Variants in KPNA3 observed in about 807,000 individuals in gnomAD.
The protein encoded by KPNA3 is importin subunit alpha-4.
Under a neutral mutation model 73.8 loss-of-function variants are expected in KPNA3, and 13 were observed. The ratio of observed to expected loss-of-function variants is 0.18; its 90% CI spans 0.11 to 0.28. The LOEUF (loss-of-function observed/expected upper bound fraction) is 0.28, where lower values mean the gene tolerates loss of function less well. KPNA3 is among the 10% of genes least tolerant of loss of function. The pLI is 1.00. For missense variants in KPNA3, 360 were observed against 618.1 expected, an observed-to-expected ratio of 0.58 and a Z score of 4.43; for synonymous variants, 186 against 206.9, an observed-to-expected ratio of 0.90 and a Z score of 0.87.
chr13:49,787,377 G>A (rs1297168897), intron 1 of KPNA3, among the ~76,000 whole-genome samples: 1 of 152,202 alleles, frequency 6.6e-6, no homozygotes, highest in East Asian at 1.9e-4. Flanking sequence ...CAATTTCTGT[G>A]ATATAGTCGA....
intron 1 of KPNA3, among the ~76,000 whole-genome samples, chr13:49,774,208 G>C (rs1453303685): frequency 1.3e-5 from 2 of 151,938 alleles, no homozygotes; most frequent in Non-Finnish European, 2.9e-5. Context: ...CCAGGTCTTA[G>C]TTCTTTTTCT....
chr13:49,784,928 A>T (rs1226461130), intron 1 of KPNA3, among the ~76,000 whole-genome samples: 4 of 152,200 alleles, frequency 2.6e-5, no homozygotes, highest in African/African-American at 9.7e-5. Context: ...GCAACGAGAA[A>T]GATACACTCA....
At chr13:49,738,779 C>T (rs916572977) in intron 2 of KPNA3, among the ~76,000 whole-genome samples, 8 of 152,184 alleles carry the variant, frequency 5.3e-5, no homozygotes, top group African/African-American at 9.7e-5. Flanking sequence ...TCTGCAAATA[C>T]GGACAGTTTT....
intron 1 of KPNA3, among the ~76,000 whole-genome samples, chr13:49,779,513 T>C (rs1239806778): frequency 2.0e-5 from 3 of 152,166 alleles, no homozygotes; most frequent in Non-Finnish European, 4.4e-5. Flanking sequence ...TATTTCTTAT[T>C]CCCTTCCCCA....
intron 6 of KPNA3, among the ~76,000 whole-genome samples, chr13:49,729,819 T>C (rs749058267): frequency 6.6e-6 from 1 of 152,126 alleles, no homozygotes; most frequent in Non-Finnish European, 1.5e-5. Flanking sequence ...AAATGGACAT[T>C]TATCATAAGT....
intron 16 of KPNA3, 100 bp downstream of exon 16, chr13:49,702,285 CT>C: frequency 1.5e-6 from 1 of 684,158 alleles, no homozygotes; most frequent in South Asian, 1.7e-5. Flanking sequence ...ACAGTACAAA[CT>C]TATGTCATCC....
At chr13:49,777,749 A>G (rs1274035933) in intron 1 of KPNA3, among the ~76,000 whole-genome samples, 1 of 151,286 alleles carries the variant, frequency 6.6e-6, no homozygotes, top group African/African-American at 2.4e-5. Context: ...GGCTTCAAGC[A>G]GTCCTCCCAC....
chr13:49,733,906 G>C (rs1954495302), intron 2 of KPNA3, among the ~76,000 whole-genome samples: 1 of 152,196 alleles, frequency 6.6e-6, no homozygotes, highest in South Asian at 2.1e-4. Flanking sequence ...CAGCTGACCA[G>C]AGACAGTAAG....
At chr13:49,750,713 C>T (rs1041867448) in intron 1 of KPNA3, among the ~76,000 whole-genome samples, 13 of 152,016 alleles carry the variant, frequency 8.6e-5, no homozygotes, top group Admixed American at 1.3e-4. Flanking sequence ...TTAAGCTGGC[C>T]GGGCACAGTG....
At chr13:49,725,082 C>T (rs1488066717) in intron 7 of KPNA3, among the ~76,000 whole-genome samples, 1 of 152,078 alleles carries the variant, frequency 6.6e-6, no homozygotes, top group Non-Finnish European at 1.5e-5. Flanking sequence ...ATTATTAGCC[C>T]ATCTTGAGGA....
chr13:49,750,737 A>T (rs1954655422), intron 1 of KPNA3, among the ~76,000 whole-genome samples: 2 of 152,226 alleles, frequency 1.3e-5, no homozygotes, highest in African/African-American at 4.8e-5. Flanking sequence ...CATGCCTGTA[A>T]TCCCAGAACT....
intron 11 of KPNA3, 97 bp downstream of exon 11, chr13:49,710,793 AT>A (rs1954253101): frequency 9.5e-7 from 1 of 1,049,148 alleles, no homozygotes; most frequent in Non-Finnish European, 1.4e-6. Context: ...AATGTGGAAG[AT>A]AAGCACTTAC....
Position 49,732,784 on chromosome 13 carries a change from AG to A in KPNA3, c.205-9del. ...TTCTAGGGTTACATTTTGCTTAAAAAGAAAAAAAAAATAGTTCAGCAGAGTT... is the reference window on the plus strand; with the variant it reads ...TTCTAGGGTTACATTTTGCTTAAAAAAAAAAAAAAATAGTTCAGCAGAGTT... On this transcript the variant is annotated splice_polypyrimidine_tract_variant and intron_variant, in intron 3 of 16. Coordinates refer to ENST00000261667, the MANE Select transcript of KPNA3 (RefSeq NM_002267.4). 6.4e-7 allele frequency: 1 copy of A among 1,557,234 alleles called. No homozygotes were observed. The highest frequency in any genetic ancestry group is 8.8e-7 in the Non-Finnish European group (1 of 1,138,926).
intron 1 of KPNA3, among the ~76,000 whole-genome samples, chr13:49,784,809 C>A (rs1390618353): frequency 6.6e-6 from 1 of 152,132 alleles, no homozygotes; most frequent in African/African-American, 2.4e-5. Context: ...TTGCTTGGTT[C>A]TAGCCACTGT....
At chr13:49,746,818 TA>T in intron 2 of KPNA3, 130 bp downstream of exon 2, 1 of 648,186 alleles carries the variant, frequency 1.5e-6, no homozygotes, top group Non-Finnish European at 2.7e-6. Flanking sequence ...AGTACCATGA[TA>T]AAGTATCCAG....
chr13:49,716,200 T>C (rs2137539628), intron 10 of KPNA3, among the ~76,000 whole-genome samples: 1 of 152,268 alleles, frequency 6.6e-6, no homozygotes, highest in Non-Finnish European at 1.5e-5. Context: ...GTATGTTGCC[T>C]AGGCTGGGCT....
chr13:49,722,677 A>C, intron 7 of KPNA3, 114 bp from the exon 8 acceptor site: 1 of 611,576 alleles, frequency 1.6e-6, no homozygotes, highest in Non-Finnish European at 2.8e-6. Flanking sequence ...TGGAAGAACA[A>C]ATGTGGCAAA....
chr13:49,721,245 A>G (rs7319770), intron 9 of KPNA3, among the ~76,000 whole-genome samples: 1,862 of 152,186 alleles, frequency 0.012, 43 homozygotes, highest in African/African-American at 0.042. Flanking sequence ...AAAAAAATCA[A>G]TTGGACTTAA....
At chr13:49,723,350 T>C (rs1954377715) in intron 7 of KPNA3, among the ~76,000 whole-genome samples, 2 of 152,032 alleles carry the variant, frequency 1.3e-5, no homozygotes, top group Non-Finnish European at 2.9e-5. Context: ...GGCAGATGGA[T>C]CACCAGGTCA....
Sources: allele counts gnomAD v4.1 joint callset (sites outside exome capture counted in the v4.1 genomes callset), GRCh38; gene constraint gnomAD v4.1.1; transcripts MANE v1.5; gene names NCBI Gene and HGNC (gene_info 2026-07-23, HGNC 2026-07-21).